Variants in GRIP2 observed in about 807,000 individuals in gnomAD.
GRIP2 encodes the protein glutamate receptor-interacting protein 2.
Under a neutral mutation model 108.3 loss-of-function variants are expected in GRIP2, and 58 were observed. The observed-to-expected ratio is 0.54, with a 90% CI of 0.43 to 0.67. The LOEUF (loss-of-function observed/expected upper bound fraction) is 0.67, where lower values mean the gene tolerates loss of function less well. Among genes scored for constraint, GRIP2 ranks in the 30% least tolerant of loss-of-function variants. The pLI is 0.00. For missense variants in GRIP2, 1,278 were observed against 1,430.6 expected (o/e 0.89, Z 1.72); for synonymous variants, 586 against 598.2 (o/e 0.98, Z 0.30).
chr3:14,596,629 G>C, the GRIP2 span, among the ~76,000 whole-genome samples: 1 of 152,222 alleles, frequency 6.6e-6, no homozygotes, highest in East Asian at 1.9e-4. Context: ...TAGAGGGAGA[G>C]AAAGGTGATA....
the GRIP2 span, among the ~76,000 whole-genome samples, chr3:14,591,883 G>A: frequency 1.9e-4 from 29 of 152,150 alleles, no homozygotes. Context: ...TAAGTACCTG[G>A]TGCCCAGGAG....
chr3:14,550,961 C>T (rs1432332661), intron 1 of GRIP2, among the ~76,000 whole-genome samples: 4 of 152,180 alleles, frequency 2.6e-5, no homozygotes, highest in Non-Finnish European at 5.9e-5. Context: ...ACCATCACCT[C>T]GGCCAAGATA....
upstream of GRIP2, chr3:14,540,391 CTGTGGGAGG>C: frequency 6.2e-7 from 1 of 1,609,930 alleles, no homozygotes; most frequent in African/African-American, 1.3e-5. This position sits in a 1 kb window ranked among gnomAD's most constrained non-coding sequence, Gnocchi z 4.1. Context: ...CAGGGAGGGG[CTGTGGGAGG>C]GAAGCTCACA....
intron 5 of GRIP2, 89 bp from the exon 6 acceptor site, chr3:14,523,164 A>T: frequency 1.0e-6 from 1 of 962,266 alleles, no homozygotes; most frequent in South Asian, 1.6e-5. Context: ...GGCTCCTTCA[A>T]TAAAACCTGT....
chr3:14,550,657 T>G (rs1161132345), intron 1 of GRIP2, among the ~76,000 whole-genome samples: 1 of 151,716 alleles, frequency 6.6e-6, no homozygotes, highest in Non-Finnish European at 1.5e-5. Context: ...GCGGGAGGAG[T>G]AGGGCTTGCG....
chr3:14,533,214 A>G (rs1694755014), intron 1 of GRIP2, among the ~76,000 whole-genome samples: 1 of 152,254 alleles, frequency 6.6e-6, no homozygotes, highest in East Asian at 1.9e-4. Context: ...CTGAGCTAAT[A>G]AAATCAAAAA....
At chr3:14,576,521 G>A in the GRIP2 span, among the ~76,000 whole-genome samples, 1 of 152,234 alleles carries the variant, frequency 6.6e-6, no homozygotes, top group Non-Finnish European at 1.5e-5. Context: ...CCTGGTGCTG[G>A]GCCACGCTGG....
chr3:14,583,396 C>G, the GRIP2 span, among the ~76,000 whole-genome samples: 4 of 152,216 alleles, frequency 2.6e-5, no homozygotes, highest in Non-Finnish European at 5.9e-5. Context: ...AACCCCCAGC[C>G]AGAACAGGAA....
chr3:14,552,538 C>A (rs1024794922), intron 1 of GRIP2, among the ~76,000 whole-genome samples: 2 of 152,148 alleles, frequency 1.3e-5, no homozygotes, highest in Non-Finnish European at 2.9e-5. Context: ...CTCCTCACCT[C>A]CTGCCTGGGT....
At chr3:14,582,741 G>A in the GRIP2 span, among the ~76,000 whole-genome samples, 1 of 152,220 alleles carries the variant, frequency 6.6e-6, no homozygotes, top group East Asian at 1.9e-4. Context: ...CAGCTGAGAG[G>A]GTGTCTCCCT....
intron 1 of GRIP2, among the ~76,000 whole-genome samples, chr3:14,534,490 G>T (rs573522738): frequency 2.0e-5 from 3 of 151,922 alleles, no homozygotes; most frequent in African/African-American, 7.3e-5. Flanking sequence ...TTTTCAGCTG[G>T]AAACGTGCAT....
In GRIP2 at chr3:14,513,583, GT is replaced by G. The variant is rs201764419; in HGVS notation, c.1639+81del. ...GGCACAGAGGGGGATGGGGTGGAGC[GT>G]TTGCACAGGCGAGGCAGGATAAAGA... On this transcript the variant is annotated intron_variant, in intron 13 of 23. Transcript: ENST00000621039. 6.0e-3 allele frequency: 8,977 copies of G among 1,488,302 alleles called. 77 individuals carry two copies. Among genetic ancestry groups the G allele is most frequent in the South Asian group, 0.021 (1,646 of 76,620 alleles). 92.2% of individuals were successfully genotyped at this position (1,488,302 alleles called of 1,614,324 possible).
At chr3:14,518,441 C>T (rs1434435304) in intron 9 of GRIP2, among the ~76,000 whole-genome samples, 1 of 152,164 alleles carries the variant, frequency 6.6e-6, no homozygotes, top group Admixed American at 6.5e-5. Flanking sequence ...CTGAAGTGCA[C>T]CACGGGCTGA....
chr3:14,506,794 G>T lies in GRIP2; in HGVS notation c.2398+7C>A, dbSNP rs1166593189. Reference sequence around the variant, plus strand: ...GTGCCACTTGTCCAAGGGCCCCAAGGTATTACCTGGGCCCCCAAAGCCACC... The same window carrying T: ...GTGCCACTTGTCCAAGGGCCCCAAGTTATTACCTGGGCCCCCAAAGCCACC... On this transcript the variant is annotated splice_region_variant and intron_variant, in intron 19 of 23. Coordinates refer to ENST00000621039, the MANE Select transcript of GRIP2 (RefSeq NM_001080423.4). 2 of 1,584,906 alleles carry T rather than the reference G, an allele frequency of 1.3e-6. No individual in the cohort carries two copies. The highest frequency in any genetic ancestry group is 1.8e-5 in the Admixed American group (1 of 56,436).
intron 1 of GRIP2, among the ~76,000 whole-genome samples, chr3:14,531,960 T>G (rs1694720218): frequency 6.6e-6 from 1 of 152,088 alleles, no homozygotes; most frequent in African/African-American, 2.4e-5. Context: ...TCCTCAGGCC[T>G]CGTCTGAGCC....
upstream of GRIP2, among the ~76,000 whole-genome samples, chr3:14,544,723 T>C (rs1400382780): frequency 6.6e-6 from 1 of 152,182 alleles, no homozygotes; most frequent in Non-Finnish European, 1.5e-5. Context: ...AATTGCTCCC[T>C]CCCTGCCTGG....
At chr3:14,503,961 G>T in intron 20 of GRIP2, 1 of 444,208 alleles carries the variant, frequency 2.3e-6, no homozygotes, top group Non-Finnish European at 4.1e-6. Context: ...TGCCTAGGAA[G>T]AGAGACAGAG....
At chr3:14,533,549 C>G (rs1241647461) in intron 1 of GRIP2, among the ~76,000 whole-genome samples, 2 of 152,168 alleles carry the variant, frequency 1.3e-5, no homozygotes, top group African/African-American at 4.8e-5. Flanking sequence ...GTCAGAAATT[C>G]AGACGGAGGA....
At chr3:14,584,450 CTG>C in the GRIP2 span, among the ~76,000 whole-genome samples, 2 of 152,340 alleles carry the variant, frequency 1.3e-5, no homozygotes, top group Admixed American at 6.5e-5. Flanking sequence ...CTGCGTGACT[CTG>C]TGCATATCAG....
Sources: gnomAD v4.1 joint callset for allele counts (sites outside exome capture counted in the v4.1 genomes callset) on GRCh38, gnomAD v4.1.1 for gene constraint, Gnocchi (gnomAD v3.1) non-coding constraint, MANE v1.5 for transcripts, NCBI Gene and HGNC (gene_info 2026-07-23, HGNC 2026-07-21) for gene names.